The following C3orf18 variants were observed in gnomAD, a reference collection of about 807,000 sequenced individuals.
C3orf18 encodes uncharacterized protein C3orf18.
A neutral mutation model predicts 14.1 loss-of-function variants in C3orf18; 12 were observed. The observed-to-expected ratio is 0.85, with a 90% CI of 0.55 to 1.38. C3orf18 has a LOEUF of 1.38. Ranked by LOEUF, C3orf18 falls within the 40% of genes most tolerant of loss-of-function variation. C3orf18 has a pLI of 0.00. For missense variants in C3orf18, 196 were observed against 213.9 expected, an observed-to-expected ratio of 0.92 and a Z score of 0.52; for synonymous variants, 82 against 87.9, an observed-to-expected ratio of 0.93 and a Z score of 0.38.
chr3:50,572,027 CT>C (rs1701034617), upstream of C3orf18: 1 of 1,584,270 alleles, frequency 6.3e-7, no homozygotes, highest in Non-Finnish European at 8.6e-7. Flanking sequence ...TGCCTGATAC[CT>C]TTGGCCACAA....
intron 5 of C3orf18, 60 bp from the exon 6 acceptor site, chr3:50,559,797 T>C: frequency 2.6e-5 from 30 of 1,135,252 alleles, no homozygotes; most frequent in Non-Finnish European, 3.6e-5. Flanking sequence ...CTCACTGGCC[T>C]GGTCACCTCC....
In C3orf18 at chr3:50,567,680, TAGGGCCGGG is replaced by T. The variant is rs1235661992; in HGVS notation, c.-478_-470del. Reference sequence around the variant, plus strand: ...CTCTGCCGGCCTGAGCTAGGGTGGGTAGGGCCGGGACCCACGGCGGAGGTGGGGCCGGGC... The same window carrying T: ...CTCTGCCGGCCTGAGCTAGGGTGGGTACCCACGGCGGAGGTGGGGCCGGGC... On this transcript the variant is annotated 5_prime_UTR_variant, in exon 1 of 6. Coordinates refer to ENST00000357203, the MANE Select transcript of C3orf18 (RefSeq NM_016210.5). 1.3e-5 allele frequency: 2 copies of T among 152,150 alleles called. No homozygotes were observed. Among genetic ancestry groups the T allele is most frequent in the Non-Finnish European group, 2.9e-5 (2 of 68,040 alleles). 9.4% of individuals were successfully genotyped at this position (152,150 alleles called of 1,614,324 possible). A position where few individuals can be genotyped will look rare whatever the true frequency, so the allele number is the denominator to read the frequency against.
upstream of C3orf18, chr3:50,570,973 C>T: frequency 1.6e-6 from 1 of 618,400 alleles, no homozygotes; most frequent in South Asian, 2.3e-5. Flanking sequence ...CATTTTGGGG[C>T]ACCAGAGCTT....
At chr3:50,571,384 G>T, upstream of C3orf18, 3 of 1,370,292 alleles carry the variant, frequency 2.2e-6, no homozygotes, top group South Asian at 2.7e-5. Flanking sequence ...GGAGGACTTG[G>T]GGAAGGGATA....
upstream of C3orf18, chr3:50,569,846 T>C (rs542724691): frequency 2.0e-5 from 3 of 152,194 alleles, no homozygotes; most frequent in East Asian, 3.9e-4. Flanking sequence ...TTTTTTTTCT[T>C]TTTTTTGAGA....
At chr3:50,562,625 C>A (rs774430375) in intron 3 of C3orf18, 9 of 450,212 alleles carry the variant, frequency 2.0e-5, no homozygotes, top group Non-Finnish European at 3.6e-5. Context: ...CAGGCAGTGG[C>A]CAGACTCTGT....
At chr3:50,571,968 G>A, upstream of C3orf18, 1 of 1,378,554 alleles carries the variant, frequency 7.3e-7, no homozygotes, top group Non-Finnish European at 1.0e-6. Context: ...AAGAAGGGAG[G>A]GAGGGAGGGT....
At chr3:50,573,237 G>A (rs1701216308), upstream of C3orf18, among the ~76,000 whole-genome samples, 1 of 152,180 alleles carries the variant, frequency 6.6e-6, no homozygotes, top group Non-Finnish European at 1.5e-5. Context: ...GCAGCACGTG[G>A]ACTTCCTGAC....
At position 50,558,908 on chromosome 3, in the gene C3orf18, TG is replaced by T. The variant is rs1488447265; in HGVS notation, c.*748del. The stretch of plus-strand genomic sequence containing the variant: ...GCTGGGACAGGCACATGTCTGCCCA[TG>T]GGCACACTCATGCACATGCATGAGG... On this transcript the variant is annotated 3_prime_UTR_variant, in exon 6 of 6. Coordinates refer to ENST00000357203, the MANE Select transcript of C3orf18 (RefSeq NM_016210.5). The T allele has an allele frequency of 1.6e-6, 2 of 1,289,376 alleles. No homozygotes were observed. Among genetic ancestry groups the T allele is most frequent in the Non-Finnish European group, 2.0e-6 (2 of 988,550 alleles). 79.9% of individuals were successfully genotyped at this position (1,289,376 alleles called of 1,614,324 possible).
upstream of C3orf18, chr3:50,571,732 T>G: frequency 6.2e-7 from 1 of 1,614,182 alleles, no homozygotes; most frequent in South Asian, 1.1e-5. Flanking sequence ...AGGCCGGCAC[T>G]TTGGACCCAG....
rs1276038892 is a variant in C3orf18 at position 50,558,799 on chromosome 3, AC to A, written c.*857del. On this transcript the variant is annotated 3_prime_UTR_variant, in exon 6 of 6. Coordinates refer to ENST00000357203, the MANE Select transcript of C3orf18 (RefSeq NM_016210.5). The stretch of plus-strand genomic sequence containing the variant: ...AGATTGAAGGCAGAGAAGATAGCCT[AC>A]CCTGATGCTCCACTACATACCATGG... 7.8e-7 allele frequency: 1 copy of A among 1,289,716 alleles called. No homozygotes were observed. The highest frequency in any genetic ancestry group is 1.5e-5 in the African/African-American group (1 of 65,864). 79.9% of individuals were successfully genotyped at this position (1,289,716 alleles called of 1,614,324 possible).
chr3:50,569,504 A>G (rs1700635031), upstream of C3orf18: 1 of 151,350 alleles, frequency 6.6e-6, no homozygotes, highest in Non-Finnish European at 1.5e-5. Flanking sequence ...GCGACGGGCC[A>G]CGCACGTCCG....
chr3:50,571,378 G>C (rs2232246), upstream of C3orf18: 834 of 1,419,034 alleles, frequency 5.9e-4, 6 homozygotes, highest in African/African-American at 0.011. Flanking sequence ...GAGGAGGGAG[G>C]ACTTGGGGAA....
At chr3:50,564,473 G>C (rs1559440172) in intron 3 of C3orf18, among the ~76,000 whole-genome samples, 1 of 152,184 alleles carries the variant, frequency 6.6e-6, no homozygotes, top group Admixed American at 6.5e-5. Context: ...CGGAGGCCAG[G>C]CTTCCACTTT....
At chr3:50,572,241 G>A, upstream of C3orf18, 1 of 1,567,366 alleles carries the variant, frequency 6.4e-7, no homozygotes, top group South Asian at 1.1e-5. Context: ...GCAGGATCAG[G>A]ATGATGGTGG....
chr3:50,567,318 A>C (rs1700372995), intron 1 of C3orf18, 145 bp downstream of exon 1: 1 of 152,382 alleles, frequency 6.6e-6, no homozygotes, highest in African/African-American at 2.4e-5. Context: ...AACCGGGGTA[A>C]AAGGGGTCGG....
Position 50,564,609 on chromosome 3 carries a change from T to C in C3orf18, c.234+857A>G, listed in dbSNP as rs567788914. On this transcript the variant is annotated intron_variant, in intron 3 of 5. Coordinates refer to ENST00000357203, the MANE Select transcript of C3orf18 (RefSeq NM_016210.5). ...CTTCCCTTGGAACCCTTGGTTTTTA[T>C]CTGTTTCCCACTCCCTGTAAGAACC... 1.8e-4 allele frequency among the ~76,000 whole-genome samples: 28 copies of C among 152,308 alleles called. No individual in the cohort carries two copies. In the South Asian group the frequency reaches 5.0e-3, roughly 27 times the overall value.
At chr3:50,563,042 C>T (rs1257376934) in intron 3 of C3orf18, among the ~76,000 whole-genome samples, 2 of 152,120 alleles carry the variant, frequency 1.3e-5, no homozygotes, top group Non-Finnish European at 2.9e-5. Context: ...ACCTCTGCCT[C>T]GGGGAAAGCA....
chr3:50,563,463 C>G (rs994816977), intron 3 of C3orf18, among the ~76,000 whole-genome samples: 5 of 152,186 alleles, frequency 3.3e-5, no homozygotes, highest in Non-Finnish European at 7.3e-5. Flanking sequence ...CCTCAGCTAA[C>G]AGCCACCCCC....
Sources: allele counts gnomAD v4.1 joint callset (sites outside exome capture counted in the v4.1 genomes callset), GRCh38; gene constraint gnomAD v4.1.1; transcripts MANE v1.5; gene names NCBI Gene and HGNC (gene_info 2026-07-23, HGNC 2026-07-21).